Variants in GSTM5 observed in about 807,000 individuals in gnomAD.
The protein encoded by GSTM5 is GST class-mu 5.
A neutral mutation model predicts 29.0 loss-of-function variants in GSTM5; 24 were observed. The ratio of observed to expected loss-of-function variants is 0.83; its 90% CI spans 0.60 to 1.16. GSTM5 has a LOEUF of 1.16. Among genes scored for constraint, GSTM5 ranks in the 50% most tolerant of loss-of-function variants. The pLI is 0.00. For missense variants in GSTM5, 290 were observed against 263.0 expected, an observed-to-expected ratio of 1.10 and a Z score of -0.71; for synonymous variants, 91 against 93.6, an observed-to-expected ratio of 0.97 and a Z score of 0.16.
chr1:109,716,017 G>A lies in GSTM5; in HGVS notation c.567+777G>A, dbSNP rs181881751. ...CATGAGGCAGGGTGTGAGGCACAGT[G>A]GGAGTTGCATAGATGACTGCCCCAT... On this transcript the variant is annotated intron_variant, in intron 7 of 7. Coordinates refer to ENST00000256593, the MANE Select transcript of GSTM5 (RefSeq NM_000851.4). 1.5e-4 allele frequency: 115 copies of A among 766,440 alleles called. No homozygotes were observed. In the African/African-American group the frequency reaches 1.9e-3, roughly 12 times the overall value. 47.5% of individuals were successfully genotyped at this position (766,440 alleles called of 1,614,324 possible).
At position 109,717,405 on chromosome 1, in the gene GSTM5, A is replaced by C; in HGVS notation, c.636A>C (p.Ser212=). The change falls in exon 8 of 8, where the codon TCA becomes TCC. Residue 212 remains serine (S), a synonymous_variant. Coordinates refer to ENST00000256593, the MANE Select transcript of GSTM5 (RefSeq NM_000851.4). ...QFLRGLLFGK[S]ATWNSK Reference sequence around the variant, plus strand: ...TCCGAGGTCTTTTGTTTGGAAAGTCAGCTACATGGAACAGCAAATAGGGCC... The same window carrying C: ...TCCGAGGTCTTTTGTTTGGAAAGTCCGCTACATGGAACAGCAAATAGGGCC... 6.2e-7 allele frequency: 1 copy of C among 1,613,816 alleles called. No homozygotes were observed. The highest frequency in any genetic ancestry group is 8.5e-7 in the Non-Finnish European group (1 of 1,179,718).
chr1:109,716,141 C>T (rs570996709), intron 7 of GSTM5: 13 of 297,588 alleles, frequency 4.4e-5, no homozygotes, highest in Middle Eastern at 1.2e-3. Flanking sequence ...CCCTCACTCA[C>T]GGGGAACCAT....
At chr1:109,714,702 G>T in intron 5 of GSTM5, 1 of 565,000 alleles carries the variant, frequency 1.8e-6, no homozygotes. Flanking sequence ...AGGCTATTGG[G>T]AGGCCAGTGA....
chr1:109,713,184 G>A lies in GSTM5; in HGVS notation c.177+1G>A. 1.9e-6 allele frequency: 3 copies of A among 1,612,436 alleles called. No homozygotes were observed. The highest frequency in any genetic ancestry group is 2.5e-6 in the Non-Finnish European group (3 of 1,179,868). ...CAAGCTGGGCCTGGACTTTCCCAAT[G>A]TAGGTGCAGGGGAAGGGGCGGTTTT... On this transcript the variant is annotated splice_donor_variant, in intron 3 of 7. Transcript: ENST00000256593. LOFTEE classifies it high-confidence loss of function.
intron 3 of GSTM5, 147 bp downstream of exon 3, chr1:109,713,330 T>C: frequency 7.3e-7 from 1 of 1,378,236 alleles, no homozygotes; most frequent in South Asian, 1.2e-5. Context: ...TTGCATGATG[T>C]TCTGTGTCCC....
At position 109,717,561 on chromosome 1, in the gene GSTM5, T is replaced by C; in HGVS notation, c.*135T>C. On this transcript the variant is annotated 3_prime_UTR_variant, in exon 8 of 8. Coordinates refer to ENST00000256593, the MANE Select transcript of GSTM5 (RefSeq NM_000851.4). ...TCTCTTCTCTTCCCCAAGGCCTCATTGGCTTCCTTTCTTCTAACATCATCC... is the reference window on the plus strand; with the variant it reads ...TCTCTTCTCTTCCCCAAGGCCTCATCGGCTTCCTTTCTTCTAACATCATCC... 1.6e-6 allele frequency: 1 copy of C among 641,548 alleles called. No individual in the cohort carries two copies. The highest frequency in any genetic ancestry group is 2.8e-6 in the Non-Finnish European group (1 of 352,708). The allele number at this position is 641,548 out of a possible 1,614,324, so 39.7% of individuals were successfully genotyped here.
At chr1:109,715,335 C>T (rs1459954380) in intron 7 of GSTM5, 95 bp downstream of exon 7, 6 of 1,612,142 alleles carry the variant, frequency 3.7e-6, no homozygotes, top group South Asian at 1.1e-5. Context: ...AAGAATAACT[C>T]GTATGTATTG....
Position 109,717,488 on chromosome 1 carries a change from A to G in GSTM5, c.*62A>G. On this transcript the variant is annotated 3_prime_UTR_variant, in exon 8 of 8. Coordinates refer to ENST00000256593, the MANE Select transcript of GSTM5 (RefSeq NM_000851.4). ...ACCTTGCTGCCTGCGACCCTGGAGG[A>G]CAGCCTGACTCCCTGGACCTGCCTT... 4.4e-6 allele frequency: 5 copies of G among 1,135,412 alleles called. No individual in the cohort carries two copies. Among genetic ancestry groups the G allele is most frequent in the Non-Finnish European group, 6.7e-6 (5 of 742,742 alleles). 70.3% of individuals were successfully genotyped at this position (1,135,412 alleles called of 1,614,324 possible).
chr1:109,712,392 G>A (rs1557970573), intron 1 of GSTM5, 44 bp downstream of exon 1: 1 of 1,602,556 alleles, frequency 6.2e-7, no homozygotes, highest in East Asian at 2.2e-5. Flanking sequence ...GGCGGAGGCG[G>A]GGATGTGTGG....
intron 5 of GSTM5, chr1:109,714,027 C>T: frequency 3.0e-6 from 1 of 329,212 alleles, no homozygotes; most frequent in Non-Finnish European, 5.7e-6. Context: ...GTGAGCTGCA[C>T]CTGGCAGAGT....
upstream of GSTM5, chr1:109,712,229 C>T: frequency 6.9e-7 from 1 of 1,457,676 alleles, no homozygotes; most frequent in East Asian, 2.3e-5. Flanking sequence ...CGCAGCAAGG[C>T]CCCGCCTGTC....
chr1:109,712,571 T>C, intron 1 of GSTM5, 47 bp from the exon 2 acceptor site: 1 of 1,603,820 alleles, frequency 6.2e-7, no homozygotes, highest in Non-Finnish European at 8.5e-7. Context: ...AGTCACCAAG[T>C]CAGGGACCCT....
At chr1:109,714,897 T>G (rs777824250) in intron 5 of GSTM5, 50 bp from the exon 6 acceptor site, 74 of 1,594,610 alleles carry the variant, frequency 4.6e-5, no homozygotes, top group Non-Finnish European at 2.2e-5. Context: ...AGGCCACGTC[T>G]GTGCAGGGAG....
chr1:109,713,088 G>T (rs1348433136), intron 2 of GSTM5, 31 bp from the exon 3 acceptor site: 1 of 1,611,894 alleles, frequency 6.2e-7, no homozygotes, highest in Non-Finnish European at 8.5e-7. Context: ...GGGCTCTGGG[G>T]AGGTTTGTTT....
At position 109,717,522 on chromosome 1, in the gene GSTM5, T is replaced by C; in HGVS notation, c.*96T>C. The C allele has an allele frequency of 1.2e-6, 1 of 840,948 alleles. No individual in the cohort carries two copies. Among genetic ancestry groups the C allele is most frequent in the Non-Finnish European group, 2.1e-6 (1 of 485,788 alleles). The allele number at this position is 840,948 out of a possible 1,614,324, so 52.1% of individuals were successfully genotyped here. A position where few individuals can be genotyped will look rare whatever the true frequency, so the allele number is the denominator to read the frequency against. ...CTCCCTGGACCTGCCTTCTTCCTTT[T>C]TCCTTCTTTCTACTCTCTTCTCTTC... On this transcript the variant is annotated 3_prime_UTR_variant, in exon 8 of 8. Transcript: ENST00000256593.
intron 7 of GSTM5, 158 bp from the exon 8 acceptor site, chr1:109,717,179 T>C (rs977262582): frequency 4.3e-5 from 26 of 598,202 alleles, no homozygotes; most frequent in African/African-American, 3.2e-4. Flanking sequence ...AGAGTTAACT[T>C]AGAAGAGCTG....
At chr1:109,713,253 C>A in intron 3 of GSTM5, 70 bp downstream of exon 3, 1 of 1,603,306 alleles carries the variant, frequency 6.2e-7, no homozygotes, top group Non-Finnish European at 8.5e-7. Context: ...CCTCTCCCCA[C>A]CTTAGAGGTG....
In GSTM5 at chr1:109,712,717, C is replaced by T. The variant is rs113034727; in HGVS notation, c.112+24C>T. On this transcript the variant is annotated intron_variant, in intron 2 of 7. Coordinates refer to ENST00000256593, the MANE Select transcript of GSTM5 (RefSeq NM_000851.4). ...CGGTAATGGCACCCTCGTGTCCGGG[C>T]CCTGCCCACTCACGCTGAGTTGGCA... is the stretch of plus-strand genomic sequence containing the variant. The T allele has an allele frequency of 8.2e-5, 132 of 1,612,994 alleles. No homozygotes were observed. In the African/African-American group the frequency reaches 1.5e-3, roughly 19 times the overall value.
At position 109,713,712 on chromosome 1, in the gene GSTM5, T is replaced by C. The variant is rs766842191; in HGVS notation, c.311T>C (p.Val104Ala). The change falls in exon 5 of 8, where the codon GTT (valine) becomes GCT (alanine). Residue 104 changes from valine to alanine, a missense_variant. Coordinates refer to ENST00000256593, the MANE Select transcript of GSTM5 (RefSeq NM_000851.4). Reference sequence around the variant, plus strand: ...CGTGTGGACATTTTGGAGAACCAGGTTATGGATAACCACATGGAGCTGGTC... The same window carrying C: ...CGTGTGGACATTTTGGAGAACCAGGCTATGGATAACCACATGGAGCTGGTC... ...KIRVDILENQ[V>A]MDNHMELVRL... The C allele has an allele frequency of 5.6e-6, 9 of 1,610,392 alleles. No individual in the cohort carries two copies. The highest frequency in any genetic ancestry group is 5.5e-5 in the South Asian group (5 of 90,902).
Sources: allele counts gnomAD v4.1 joint callset, GRCh38; gene constraint gnomAD v4.1.1; transcripts MANE v1.5; gene names NCBI Gene and HGNC (gene_info 2026-07-23, HGNC 2026-07-21).